ARID1B: variants seen among roughly 807,000 people sequenced by gnomAD.
ARID1B encodes the protein AT-rich interaction domain 1B.
In ARID1B, 30 loss-of-function variants were observed where a neutral mutation model predicts 212.3. That is an observed-to-expected ratio of 0.14 (90% CI 0.11 to 0.19). ARID1B has a LOEUF of 0.19. Among genes scored for constraint, ARID1B ranks in the 10% least tolerant of loss-of-function variants. The pLI, the probability that ARID1B is intolerant of heterozygous loss-of-function variation, is 1.00. For synonymous variants in ARID1B, 1,402 were observed against 1,301.7 expected (o/e 1.08, Z -1.66); for missense variants, 2,891 against 3,204.0 (o/e 0.90, Z 2.36).
intron 8 of ARID1B, among the ~76,000 whole-genome samples, chr6:157,153,894 C>G (rs1790376056): frequency 6.6e-6 from 1 of 152,344 alleles, no homozygotes; most frequent in East Asian, 1.9e-4. Context: ...CTCTTCTCAG[C>G]CTCCCAAAGT....
At chr6:157,029,959 G>A (rs756096311) in intron 4 of ARID1B, among the ~76,000 whole-genome samples, 1 of 152,198 alleles carries the variant, frequency 6.6e-6, no homozygotes, top group African/African-American at 2.4e-5. Context: ...GTTCTTGCCT[G>A]GAACTCTGCC....
intron 5 of ARID1B, among the ~76,000 whole-genome samples, chr6:157,087,756 A>G (rs564246894): frequency 6.6e-6 from 1 of 152,118 alleles, no homozygotes; most frequent in East Asian, 1.9e-4. Flanking sequence ...AGAGCTAGCC[A>G]TGAAAGCATA....
chr6:157,089,984 C>T (rs1189079419), intron 5 of ARID1B, among the ~76,000 whole-genome samples: 1 of 152,150 alleles, frequency 6.6e-6, no homozygotes, highest in African/African-American at 2.4e-5. Context: ...TTGGGTCTTA[C>T]GCTGGGCCTG....
intron 4 of ARID1B, among the ~76,000 whole-genome samples, chr6:156,954,368 A>T (rs1044694058): frequency 3.3e-5 from 5 of 152,144 alleles, no homozygotes; most frequent in African/African-American, 4.8e-5. Context: ...GCTTTAGTTG[A>T]TGTAACTTTC....
At chr6:157,049,332 G>A (rs1254880190) in intron 4 of ARID1B, among the ~76,000 whole-genome samples, 1 of 152,124 alleles carries the variant, frequency 6.6e-6, no homozygotes, top group Admixed American at 6.5e-5. Context: ...TCCTTTGGTA[G>A]CTGGGCAGTT....
At chr6:157,113,376 G>T (rs534808524) in intron 6 of ARID1B, among the ~76,000 whole-genome samples, 1 of 152,288 alleles carries the variant, frequency 6.6e-6, no homozygotes, top group East Asian at 1.9e-4. Context: ...AGAACTACTG[G>T]AGACTGGATC....
At chr6:157,172,378 G>A (rs958792059) in intron 9 of ARID1B, among the ~76,000 whole-genome samples, 1 of 152,124 alleles carries the variant, frequency 6.6e-6, no homozygotes, top group Admixed American at 6.5e-5. Context: ...ACTTGAAAAA[G>A]CTTTTTGTTC....
chr6:157,142,403 A>G (rs1789425306), intron 7 of ARID1B, among the ~76,000 whole-genome samples: 1 of 152,128 alleles, frequency 6.6e-6, no homozygotes, highest in Non-Finnish European at 1.5e-5. Context: ...GCGCGGGTAT[A>G]TTGTTTGAGG....
At chr6:157,052,678 A>G (rs905597611) in intron 4 of ARID1B, among the ~76,000 whole-genome samples, 8 of 152,216 alleles carry the variant, frequency 5.3e-5, no homozygotes, top group African/African-American at 1.9e-4. Context: ...TTGGACAAAC[A>G]TAGCAACCTG....
At position 157,084,673 on chromosome 6, in the gene ARID1B, C is replaced by A. The variant is rs2128462099; in HGVS notation, c.2259C>A (p.Gly753=). ...ERPSSLPDLS[G]SIDDLPTGTE... is the part of the protein sequence containing the mutation. ...TTTTCCTTTCTTAGGATCTGTCTGG[C>A]TCCATTGATGACCTCCCCACGGGAA... Residue 753 remains glycine (G), a synonymous_variant, in exon 5 of 20, where the codon GGC becomes GGA. Coordinates refer to ENST00000636930, the MANE Select transcript of ARID1B (RefSeq NM_001374828.1). 6.2e-7 allele frequency: 1 copy of A among 1,614,136 alleles called. No individual in the cohort carries two copies. The highest frequency in any genetic ancestry group is 8.5e-7 in the Non-Finnish European group (1 of 1,180,000).
chr6:157,171,306 T>G (rs994019165), intron 9 of ARID1B, among the ~76,000 whole-genome samples: 3 of 152,240 alleles, frequency 2.0e-5, no homozygotes, highest in Admixed American at 6.5e-5. Flanking sequence ...GATTCTTTAC[T>G]GCCCCTTTTT....
chr6:156,999,358 C>A (rs1334032236), intron 4 of ARID1B, among the ~76,000 whole-genome samples: 1 of 152,172 alleles, frequency 6.6e-6, no homozygotes, highest in Admixed American at 6.5e-5. Context: ...TTATAATTTC[C>A]TCATGTATAA....
Position 157,201,541 on chromosome 6 carries a change from T to C in ARID1B, c.5263+53T>C, listed in dbSNP as rs764136385. On this transcript the variant is annotated intron_variant, in intron 18 of 19. Coordinates refer to ENST00000636930, the MANE Select transcript of ARID1B (RefSeq NM_001374828.1). The surrounding 1 kb of genome is among the most constrained non-coding windows in gnomAD (Gnocchi z 5.2). ...AATGAATTCCAGTTGCAGTGTAGAA[T>C]TTTAATTTTAGTAAAGATGCTGTTC... 6.8e-7 allele frequency: 1 copy of C among 1,476,012 alleles called. No individual in the cohort carries two copies. The highest frequency in any genetic ancestry group is 9.0e-7 in the Non-Finnish European group (1 of 1,112,396). The allele number at this position is 1,476,012 out of a possible 1,614,324, so 91.4% of individuals were successfully genotyped here. A position where few individuals can be genotyped will look rare whatever the true frequency, so the allele number is the denominator to read the frequency against.
intron 4 of ARID1B, among the ~76,000 whole-genome samples, chr6:157,022,134 G>A (rs1461725501): frequency 6.6e-6 from 1 of 151,964 alleles, no homozygotes; most frequent in Non-Finnish European, 1.5e-5. Flanking sequence ...CCAAGAACAG[G>A]GCGGGGAGGC....
intron 3 of ARID1B, among the ~76,000 whole-genome samples, chr6:156,908,569 C>T (rs1307495876): frequency 6.6e-6 from 1 of 151,228 alleles, no homozygotes; most frequent in Non-Finnish European, 1.5e-5. Context: ...GCTGTTCTTC[C>T]CCCCCGCCCC....
At chr6:156,965,085 G>A (rs1453605521) in intron 4 of ARID1B, among the ~76,000 whole-genome samples, 2 of 152,138 alleles carry the variant, frequency 1.3e-5, no homozygotes, top group African/African-American at 4.8e-5. Flanking sequence ...TCTTCCCTAT[G>A]TCCTGTATGT....
intron 3 of ARID1B, among the ~76,000 whole-genome samples, chr6:156,922,983 C>T (rs1790931831): frequency 6.6e-6 from 1 of 152,140 alleles, no homozygotes; most frequent in Non-Finnish European, 1.5e-5. Flanking sequence ...GAAGAAGGGG[C>T]TTGGGTTCTT....
intron 1 of ARID1B, among the ~76,000 whole-genome samples, chr6:156,786,754 C>T (rs1044452326): frequency 3.3e-5 from 5 of 152,128 alleles, no homozygotes; most frequent in African/African-American, 1.2e-4. Context: ...CTTAATCAGC[C>T]CTGTGCCAGA....
intron 4 of ARID1B, chr6:156,935,793 G>A (rs1792154232): frequency 4.3e-6 from 2 of 460,894 alleles, no homozygotes; most frequent in South Asian, 2.4e-5. Flanking sequence ...GCAGAGTGTA[G>A]ACATCAGTTG....
Sources: allele counts gnomAD v4.1 joint callset (sites outside exome capture counted in the v4.1 genomes callset), GRCh38; gene constraint gnomAD v4.1.1; non-coding constraint Gnocchi (gnomAD v3.1); transcripts MANE v1.5; gene names NCBI Gene and HGNC (gene_info 2026-07-23, HGNC 2026-07-21).